ITGA8: variants seen among roughly 807,000 people sequenced by gnomAD.
ITGA8 encodes the protein integrin alpha-8.
A neutral mutation model predicts 142.3 loss-of-function variants in ITGA8; 91 were observed. That is an observed-to-expected ratio of 0.64 (90% CI 0.54 to 0.76). The LOEUF (loss-of-function observed/expected upper bound fraction) is 0.76, where lower values mean the gene tolerates loss of function less well. ITGA8 is among the 30% of genes least tolerant of loss of function. The pLI, the probability that ITGA8 is intolerant of heterozygous loss-of-function variation, is 0.00. For missense variants in ITGA8, 1,406 were observed against 1,327.7 expected (o/e 1.06, Z -0.92); for synonymous variants, 505 against 485.2 (o/e 1.04, Z -0.54).
chr10:15,641,618 GAT>G (rs1833873332), intron 13 of ITGA8, among the ~76,000 whole-genome samples: 1 of 152,134 alleles, frequency 6.6e-6, no homozygotes, highest in South Asian at 2.1e-4. Flanking sequence ...GGTCTACCAA[GAT>G]GCATGGATGA....
At chr10:15,657,794 A>G (rs1834214143) in intron 10 of ITGA8, among the ~76,000 whole-genome samples, 1 of 152,202 alleles carries the variant, frequency 6.6e-6, no homozygotes, top group African/African-American at 2.4e-5. Flanking sequence ...GTTCATATTT[A>G]GTTTAAAATT....
chr10:15,602,594 C>T (rs1287778454), intron 20 of ITGA8, among the ~76,000 whole-genome samples: 2 of 152,044 alleles, frequency 1.3e-5, no homozygotes, highest in Admixed American at 6.6e-5. Flanking sequence ...AAAAATTAGC[C>T]AGGCATGGTG....
In ITGA8 at chr10:15,552,554, C is replaced by T. The variant is rs553171833; in HGVS notation, c.2767-3986G>A. On this transcript the variant is annotated intron_variant, in intron 26 of 29. Transcript: ENST00000378076. ...CTGTAGATGTCTCTTTTTTATTATA[C>T]TTTAAATTCTGGGATACATGTACAG... Among the ~76,000 whole-genome samples, 34 of 152,270 alleles carry T rather than the reference C, an allele frequency of 2.2e-4. No homozygotes were observed. The South Asian group carries it at 4.6e-3, about 20-fold the overall frequency.
Position 15,571,717 on chromosome 10 carries a change from A to G in ITGA8, c.2637+494T>C, listed in dbSNP as rs558397631. On this transcript the variant is annotated intron_variant, in intron 25 of 29. Coordinates refer to ENST00000378076, the MANE Select transcript of ITGA8 (RefSeq NM_003638.3). Reference sequence around the variant, plus strand: ...GCACGGCTCTAGGCTTTAAGCTTCAATTAAAGAATAGGGTCCAGAACATTC... The same window carrying G: ...GCACGGCTCTAGGCTTTAAGCTTCAGTTAAAGAATAGGGTCCAGAACATTC... 2.0e-5 allele frequency among the ~76,000 whole-genome samples: 3 copies of G among 152,342 alleles called. No individual in the cohort carries two copies. In the East Asian group the frequency reaches 5.8e-4, roughly 29 times the overall value.
At chr10:15,636,428 G>A (rs1833773095) in intron 13 of ITGA8, among the ~76,000 whole-genome samples, 1 of 152,218 alleles carries the variant, frequency 6.6e-6, no homozygotes, top group African/African-American at 2.4e-5. Context: ...TATGTAGTGT[G>A]TGTGCCAGTG....
intron 23 of ITGA8, among the ~76,000 whole-genome samples, chr10:15,580,854 T>C (rs1214657540): frequency 1.3e-5 from 2 of 152,232 alleles, no homozygotes. Flanking sequence ...GGTTTTCTTG[T>C]AAAATTGAAC....
At chr10:15,639,141 A>C (rs1367678081) in intron 13 of ITGA8, among the ~76,000 whole-genome samples, 1 of 151,948 alleles carries the variant, frequency 6.6e-6, no homozygotes, top group African/African-American at 2.4e-5. Flanking sequence ...TAAAAAAAAA[A>C]AAAAGTTGCC....
intron 27 of ITGA8, among the ~76,000 whole-genome samples, chr10:15,540,888 G>A (rs1294247124): frequency 6.6e-6 from 1 of 152,114 alleles, no homozygotes; most frequent in Non-Finnish European, 1.5e-5. Context: ...ATCAGCATAA[G>A]ACACTCCCGC....
At position 15,526,645 on chromosome 10, in the gene ITGA8, C is replaced by A. The variant is rs371219806; in HGVS notation, c.2982+4405G>T. Among the ~76,000 whole-genome samples the A allele has an allele frequency of 2.0e-5, 3 of 152,282 alleles. No homozygotes were observed. In the East Asian group the frequency reaches 5.8e-4, roughly 29 times the overall value. ...GTACTTAAATTTAGGGAGAACAATT[C>A]AATCTTGTGCCAGCTAGTCAATAAA... On this transcript the variant is annotated intron_variant, in intron 28 of 29. Coordinates refer to ENST00000378076, the MANE Select transcript of ITGA8 (RefSeq NM_003638.3).
intron 7 of ITGA8, among the ~76,000 whole-genome samples, chr10:15,672,389 C>T (rs1834540414): frequency 6.6e-6 from 1 of 152,162 alleles, no homozygotes; most frequent in Non-Finnish European, 1.5e-5. Context: ...TGAAATAGTT[C>T]ATGTGCAAAA....
rs5783451 is a variant in ITGA8, at chr10:15,553,302, G to GT, written c.2767-4735dup. On this transcript the variant is annotated intron_variant, in intron 26 of 29. Coordinates refer to ENST00000378076, the MANE Select transcript of ITGA8 (RefSeq NM_003638.3). ...GAATTACAATCTTCCAGTTGCCATA[G>GT]TTTTTTTTTTTTTTTTTTGTCTTCA... Among the ~76,000 whole-genome samples the GT allele has an allele frequency of 1.0e-3, 134 of 131,128 alleles. 2 individuals are homozygous for GT. Among genetic ancestry groups the GT allele is most frequent in the African/African-American group, 3.0e-3 (112 of 37,136 alleles). 86.0% of individuals were successfully genotyped at this position (131,128 alleles called of 152,430 possible).
At position 15,678,733 on chromosome 10, in the gene ITGA8, C is replaced by A; in HGVS notation, c.619G>T (p.Asp207Tyr). 4 of 1,609,564 alleles carry A rather than the reference C, an allele frequency of 2.5e-6. No individual in the cohort carries two copies. The highest frequency in any genetic ancestry group is 3.4e-6 in the Non-Finnish European group (4 of 1,176,300). Reference sequence around the variant, plus strand: ...CCAAAATAATTCACCTTATAAAAATCCAGACTAAATCCTGCTTGGCAGTAA... The same window carrying A: ...CCAAAATAATTCACCTTATAAAAATACAGACTAAATCCTGCTTGGCAGTAA... ...QGYCQAGFSL[D>Y]FYKNGDLIVG... The change falls in exon 5 of 30, where the codon GAT becomes TAT. Residue 207 changes from aspartate (D) to tyrosine (Y), a missense_variant. Physicochemically the swap from Asp to Tyr is radical, Grantham distance 160 (BLOSUM62 -3). Transcript: ENST00000378076.
chr10:15,568,682 G>A (rs1834121609), intron 25 of ITGA8, among the ~76,000 whole-genome samples: 1 of 152,162 alleles, frequency 6.6e-6, no homozygotes, highest in Non-Finnish European at 1.5e-5. Flanking sequence ...GTTTTAAATG[G>A]TGTTTCAGTT....
chr10:15,605,395 T>C (rs9333163), intron 19 of ITGA8, among the ~76,000 whole-genome samples: 2,864 of 152,176 alleles, frequency 0.019, 97 homozygotes, highest in African/African-American at 0.065. Context: ...GGAACCTGCC[T>C]GTCTGAATCC....
At position 15,514,046 on chromosome 10, in the gene ITGA8, G is replaced by A. The variant is rs1005987524; in HGVS notation, c.*3112C>T. Reference sequence around the variant, plus strand: ...CACGTATTTAAATAAAACAAGAGTCGAGTTCTAAGAATGCAGTTTCAGGGG... The same window carrying A: ...CACGTATTTAAATAAAACAAGAGTCAAGTTCTAAGAATGCAGTTTCAGGGG... On this transcript the variant is annotated 3_prime_UTR_variant, in exon 30 of 30. Coordinates refer to ENST00000378076, the MANE Select transcript of ITGA8 (RefSeq NM_003638.3). The A allele has an allele frequency of 3.9e-5, 6 of 152,038 alleles. No individual in the cohort carries two copies. Among genetic ancestry groups the A allele is most frequent in the African/African-American group, 7.3e-5 (3 of 41,376 alleles). The allele number at this position is 152,038 out of a possible 1,614,324, so 9.4% of individuals were successfully genotyped here.
At chr10:15,517,361 A>T (rs1343532435) in intron 29 of ITGA8, 117 bp from the exon 30 acceptor site, 1 of 586,458 alleles carries the variant, frequency 1.7e-6, no homozygotes, top group Non-Finnish European at 2.9e-6. Flanking sequence ...CTCGCTCTCT[A>T]TTCCCCAGGC....
At chr10:15,538,977 T>C (rs1244750950) in intron 27 of ITGA8, among the ~76,000 whole-genome samples, 1 of 116,744 alleles carries the variant, frequency 8.6e-6, no homozygotes, top group Non-Finnish European at 1.9e-5. Context: ...TTTTTTTTTT[T>C]TTAACGTTTC....
rs1197858628 is a variant in ITGA8 at position 15,517,120 on chromosome 10, C to A, written c.*38G>T. 2.1e-6 allele frequency: 3 copies of A among 1,423,520 alleles called. No individual in the cohort carries two copies. Among genetic ancestry groups the A allele is most frequent in the Non-Finnish European group, 2.0e-6 (2 of 1,017,116 alleles). 88.2% of individuals were successfully genotyped at this position (1,423,520 alleles called of 1,614,324 possible). On this transcript the variant is annotated 3_prime_UTR_variant, in exon 30 of 30. Transcript: ENST00000378076. ...GTTCTTTCTTTTTCTTTGAACAGGA[C>A]CAGTGTTTGAGGTCTTTGGTCTTCT...
intron 21 of ITGA8, among the ~76,000 whole-genome samples, chr10:15,596,290 T>C (rs938382907): frequency 6.6e-6 from 1 of 152,204 alleles, no homozygotes; most frequent in Non-Finnish European, 1.5e-5. Context: ...AAGACTTGGT[T>C]TGAATCTTGT....
Sources: gnomAD v4.1 joint callset for allele counts (sites outside exome capture counted in the v4.1 genomes callset) on GRCh38, gnomAD v4.1.1 for gene constraint, MANE v1.5 for transcripts, NCBI Gene and HGNC (gene_info 2026-07-23, HGNC 2026-07-21) for gene names.